The following AK3 variants were observed in gnomAD, a reference collection of about 807,000 sequenced individuals.
The protein encoded by AK3 is GTP:AMP phosphotransferase AK3, mitochondrial.
AK3 carries 27 observed loss-of-function variants against 23.7 expected under a neutral mutation model. That is an observed-to-expected ratio of 1.14 (90% CI 0.84 to 1.57). The LOEUF (loss-of-function observed/expected upper bound fraction) is 1.57, where lower values mean the gene tolerates loss of function less well. Ranked by LOEUF, AK3 falls within the 40% of genes most tolerant of loss-of-function variation. The probability of loss-of-function intolerance (pLI) is 0.00; values close to 1 mark genes in which losing one functional copy is unlikely to be tolerated. For missense variants in AK3, 406 were observed against 285.6 expected (o/e 1.42, Z -3.04); for synonymous variants, 159 against 116.0 (o/e 1.37, Z -2.38).
Position 4,719,186 on chromosome 9 carries a change from A to C in AK3, c.393T>G (p.His131Gln), listed in dbSNP as rs900850649. 1.2e-6 allele frequency: 2 copies of C among 1,611,876 alleles called. No individual in the cohort carries two copies. Among genetic ancestry groups the C allele is most frequent in the Non-Finnish European group, 8.5e-7 (1 of 1,179,830 alleles). ...TGTTATAGACTCGGCCACTGGCGGG[A>C]TGAATCCAGCGAGCAGTAAGGCGTT... ...IKQRLTARWI[H>Q]PASGRVYNIE... The change falls in exon 3 of 5, where the codon CAT (histidine) becomes CAG (glutamine). Residue 131 changes from histidine to glutamine, a missense_variant. Transcript: ENST00000381809.
intron 2 of AK3, among the ~76,000 whole-genome samples, chr9:4,719,989 G>A (rs2989446): frequency 0.13 from 19,282 of 152,090 alleles, 1,345 homozygotes; most frequent in African/African-American, 0.18. Flanking sequence ...GCTTGAACCC[G>A]GGAGGGGAGG....
At chr9:4,721,231 T>C (rs1841887083) in intron 2 of AK3, among the ~76,000 whole-genome samples, 1 of 151,784 alleles carries the variant, frequency 6.6e-6, no homozygotes, top group African/African-American at 2.4e-5. Flanking sequence ...AGTGAAACCC[T>C]ATCTCTACTA....
At chr9:4,741,960 G>A (rs185899257), upstream of AK3, 1 of 151,578 alleles carries the variant, frequency 6.6e-6, no homozygotes. Context: ...ACCTTGAGCC[G>A]AGAGGGCCTA....
Position 4,718,325 on chromosome 9 carries a change from T to C in AK3, c.563+94A>G, listed in dbSNP as rs139912058. The C allele has an allele frequency of 1.2e-3, 1,096 of 901,444 alleles. 9 individuals carry two copies. In the African/African-American group the frequency reaches 0.016, roughly 13 times the overall value. The allele number at this position is 901,444 out of a possible 1,614,324, so 55.8% of individuals were successfully genotyped here. ...TTAAGCCCATGTGAACTGGGTCTTT[T>C]GGCATTTTAGCATTTCAGCTGTAGA... On this transcript the variant is annotated intron_variant, in intron 4 of 4. Transcript: ENST00000381809.
intron 3 of AK3, 77 bp from the exon 4 acceptor site, chr9:4,718,614 T>G: frequency 2.6e-6 from 3 of 1,150,588 alleles, no homozygotes; most frequent in Non-Finnish European, 2.5e-6. Flanking sequence ...CAATTATTTT[T>G]AAACAGACAT....
intron 2 of AK3, 47 bp from the exon 3 acceptor site, chr9:4,719,354 ATGGGGTGGGGG>A: frequency 7.4e-6 from 1 of 135,354 alleles, no homozygotes; most frequent in Non-Finnish European, 1.6e-5. Context: ...GAAAGGAAGT[ATGGGGTGGGGG>A]TGGGGCGGGT....
At position 4,718,459 on chromosome 9, in the gene AK3, C is replaced by G; in HGVS notation, c.523G>C (p.Ala175Pro). 2 of 1,613,310 alleles carry G rather than the reference C, an allele frequency of 1.2e-6. No homozygotes were observed. The highest frequency in any genetic ancestry group is 1.7e-6 in the Non-Finnish European group (2 of 1,179,816). The change falls in exon 4 of 5, where the codon GCT (alanine) becomes CCT (proline). Residue 175 changes from alanine (A) to proline (P), a missense_variant. By Grantham distance (27) the Ala-to-Pro change is conservative. Transcript: ENST00000381809. ...KPETVIKRLK[A>P]YEDQTKPVLE... The stretch of plus-strand genomic sequence containing the variant: ...ACTGGCTTTGTTTGGTCTTCATAAG[C>G]CTTTAGTCTCTTGATAACCGTCTCT...
In AK3 at chr9:4,719,127, C is replaced by T. The variant is rs761516924; in HGVS notation, c.444+8G>A. On this transcript the variant is annotated splice_region_variant and intron_variant, in intron 3 of 4. Coordinates refer to ENST00000381809, the MANE Select transcript of AK3 (RefSeq NM_016282.4). ...CTGCTATGTGACAGTTCCACAACAACTACTCACCACAGTTTTGGGAGGGTT... is the reference window on the plus strand; with the variant it reads ...CTGCTATGTGACAGTTCCACAACAATTACTCACCACAGTTTTGGGAGGGTT... 6 of 1,611,810 alleles carry T rather than the reference C, an allele frequency of 3.7e-6. No homozygotes were observed. In the South Asian group the frequency reaches 5.5e-5, roughly 15 times the overall value.
At chr9:4,718,660 T>C in intron 3 of AK3, 123 bp from the exon 4 acceptor site, 1 of 727,764 alleles carries the variant, frequency 1.4e-6, no homozygotes. Flanking sequence ...ATGTGCTAAC[T>C]TTTAAAAAAA....
chr9:4,740,545 GACTCT>G (rs1199315830), intron 1 of AK3, among the ~76,000 whole-genome samples: 1 of 152,036 alleles, frequency 6.6e-6, no homozygotes, highest in Non-Finnish European at 1.5e-5. Flanking sequence ...AGAACGAGCA[GACTCT>G]AGCAGGGCTA....
At chr9:4,723,052 C>A (rs892337937) in intron 1 of AK3, among the ~76,000 whole-genome samples, 1 of 149,944 alleles carries the variant, frequency 6.7e-6, no homozygotes, top group African/African-American at 2.5e-5. Context: ...GCCTGGGCAA[C>A]AGAGTGAGAC....
At position 4,722,756 on chromosome 9, in the gene AK3, T is replaced by C. The variant is rs1029782118; in HGVS notation, c.152-131A>G. The C allele has an allele frequency of 2.9e-6, 4 of 1,370,056 alleles. No individual in the cohort carries two copies. The African/African-American group carries it at 5.8e-5, about 20-fold the overall frequency. 84.9% of individuals were successfully genotyped at this position (1,370,056 alleles called of 1,614,324 possible). ...TGAAAATGTGCATCATCAACTTTTC[T>C]GATAAAAACAAAGGTTATGGCCGGG... On this transcript the variant is annotated intron_variant, in intron 1 of 4. Coordinates refer to ENST00000381809, the MANE Select transcript of AK3 (RefSeq NM_016282.4).
rs75194510 is a variant in AK3, at chr9:4,739,195, T to C, written c.151+1742A>G. Among the ~76,000 whole-genome samples, 455 of 152,104 alleles carry C rather than the reference T, an allele frequency of 3.0e-3. 1 individual carries two copies. Among genetic ancestry groups the C allele is most frequent in the African/African-American group, 0.01 (433 of 41,478 alleles). On this transcript the variant is annotated intron_variant, in intron 1 of 4. Transcript: ENST00000381809. ...TTTAGCAAGCAAGTCAAACAATCTC[T>C]GTTCTTTCTTTCTTTTTTTTCGAGA...
chr9:4,740,058 T>TAAA lies in AK3; in HGVS notation c.151+878_151+879insTTT, dbSNP rs141239618. On this transcript the variant is annotated intron_variant, in intron 1 of 4. Coordinates refer to ENST00000381809, the MANE Select transcript of AK3 (RefSeq NM_016282.4). Reference sequence around the variant, plus strand: ...GCACGTCTATCCTGTTTGCTATCCTTACAAAAAAAAAAAAAAAAAGAAGGA... The same window carrying TAAA: ...GCACGTCTATCCTGTTTGCTATCCTTAAAACAAAAAAAAAAAAAAAAAGAAGGA... 2.8e-4 allele frequency among the ~76,000 whole-genome samples: 24 copies of TAAA among 85,584 alleles called. 1 individual carries two copies. Among genetic ancestry groups the TAAA allele is most frequent in the South Asian group, 1.1e-3 (3 of 2,698 alleles). The allele number at this position is 85,584 out of a possible 152,430, so 56.1% of individuals were successfully genotyped here. A position where few individuals can be genotyped will look rare whatever the true frequency, so the allele number is the denominator to read the frequency against.
intron 4 of AK3, among the ~76,000 whole-genome samples, chr9:4,714,010 A>ACGCCTACGCATACACG (rs879908552): frequency 3.9e-4 from 1 of 2,540 alleles, no homozygotes; most frequent in East Asian, 4.2e-3. Context: ...ACACATATAC[A>ACGCCTACGCATACACG]CCTACACATA....
intron 1 of AK3, among the ~76,000 whole-genome samples, chr9:4,726,141 A>G (rs896684063): frequency 1.3e-5 from 2 of 152,196 alleles, no homozygotes; most frequent in South Asian, 4.1e-4. Context: ...GCCTTCAGAG[A>G]GTCTTAATCT....
chr9:4,732,811 G>C (rs1842184667), intron 1 of AK3, among the ~76,000 whole-genome samples: 1 of 151,328 alleles, frequency 6.6e-6, no homozygotes, highest in Non-Finnish European at 1.5e-5. Context: ...TGTTTGAGCA[G>C]TTATGAAGCA....
rs988861104 is a variant in AK3 at position 4,711,490 on chromosome 9, A to G, written c.*1486T>C. 2 of 152,666 alleles carry G rather than the reference A, an allele frequency of 1.3e-5. No individual in the cohort carries two copies. The highest frequency in any genetic ancestry group is 2.9e-5 in the Non-Finnish European group (2 of 68,044). The allele number at this position is 152,666 out of a possible 1,614,324, so 9.5% of individuals were successfully genotyped here. On this transcript the variant is annotated 3_prime_UTR_variant, in exon 5 of 5. Transcript: ENST00000381809. The stretch of plus-strand genomic sequence containing the variant: ...CTTGAAAGATCGATGAATTTTTTAA[A>G]TATCAGAAGAAAAGGGAAATAAAAT...
At chr9:4,721,738 C>T (rs1250682243) in intron 2 of AK3, among the ~76,000 whole-genome samples, 3 of 152,178 alleles carry the variant, frequency 2.0e-5, no homozygotes, top group African/African-American at 4.8e-5. Context: ...GAATTAAAGG[C>T]GTGAGCCACT....
Sources: allele counts gnomAD v4.1 joint callset (sites outside exome capture counted in the v4.1 genomes callset), GRCh38; gene constraint gnomAD v4.1.1; transcripts MANE v1.5; gene names NCBI Gene and HGNC (gene_info 2026-07-23, HGNC 2026-07-21).